CDH13: variants seen among roughly 807,000 people sequenced by gnomAD.
The protein encoded by CDH13 is cadherin 13, also known as cadherin-13.
CDH13 carries 24 observed loss-of-function variants against 63.8 expected under a neutral mutation model. That is an observed-to-expected ratio of 0.38 (90% CI 0.27 to 0.53). The LOEUF is 0.53. Among genes scored for constraint, CDH13 ranks in the 20% least tolerant of loss-of-function variants. The pLI, the probability that CDH13 is intolerant of heterozygous loss-of-function variation, is 0.85. For synonymous variants in CDH13, 503 were observed against 355.3 expected (o/e 1.42, Z -4.67); for missense variants, 1,049 against 903.1 (o/e 1.16, Z -2.07).
chr16:83,649,386 T>A (rs887941318), intron 8 of CDH13, among the ~76,000 whole-genome samples: 5 of 152,204 alleles, frequency 3.3e-5, no homozygotes, highest in Non-Finnish European at 7.3e-5. Context: ...TAATACACTT[T>A]AATCACACAG....
intron 8 of CDH13, among the ~76,000 whole-genome samples, chr16:83,619,523 G>T (rs1389729110): frequency 2.6e-5 from 4 of 152,358 alleles, no homozygotes; most frequent in African/African-American, 9.6e-5. Context: ...CACTGGCAGG[G>T]TTGGTTCCTT....
At chr16:83,426,169 C>T (rs940594274) in intron 6 of CDH13, among the ~76,000 whole-genome samples, 2 of 152,112 alleles carry the variant, frequency 1.3e-5, no homozygotes, top group Non-Finnish European at 1.5e-5. Flanking sequence ...CTCATGCCAT[C>T]TGATTAATCA....
chr16:82,710,599 AATAT>A (rs1227858007), intron 1 of CDH13, among the ~76,000 whole-genome samples: 2 of 141,564 alleles, frequency 1.4e-5, no homozygotes, highest in African/African-American at 2.5e-5. Context: ...ATATTTATAA[AATAT>A]ATAAAGTATA....
At chr16:82,825,545 T>C (rs1830175348) in intron 1 of CDH13, 1 of 135,782 alleles carries the variant, frequency 7.4e-6, no homozygotes, top group Non-Finnish European at 1.7e-5. Context: ...TTAACTTTTT[T>C]TTTTTTTTTT....
chr16:82,968,783 G>T (rs1264632677), intron 2 of CDH13, among the ~76,000 whole-genome samples: 1 of 152,148 alleles, frequency 6.6e-6, no homozygotes. Flanking sequence ...CCCTCAATAG[G>T]CTGTGAGCCT....
At chr16:82,948,081 T>C (rs1246965825) in intron 2 of CDH13, among the ~76,000 whole-genome samples, 1 of 152,220 alleles carries the variant, frequency 6.6e-6, no homozygotes, top group Non-Finnish European at 1.5e-5. Context: ...CATTGAAAGA[T>C]ATTGTCATAC....
intron 4 of CDH13, among the ~76,000 whole-genome samples, chr16:83,215,837 A>G (rs8046313): frequency 0.89 from 135,314 of 152,188 alleles, 60,552 homozygotes; most frequent in Non-Finnish European, 0.94. Flanking sequence ...TGTGTTCATG[A>G]CCTTTCAATT....
intron 6 of CDH13, among the ~76,000 whole-genome samples, chr16:83,358,028 C>A (rs1454782239): frequency 6.6e-6 from 1 of 152,128 alleles, no homozygotes; most frequent in Non-Finnish European, 1.5e-5. Context: ...AGTGAGGAAA[C>A]TGAAACTTCA....
intron 1 of CDH13, among the ~76,000 whole-genome samples, chr16:82,792,399 T>G (rs2036356749): frequency 6.6e-6 from 1 of 152,146 alleles, no homozygotes; most frequent in African/African-American, 2.4e-5. Flanking sequence ...TATATCCCTC[T>G]TAGCATCTGA....
intron 2 of CDH13, among the ~76,000 whole-genome samples, chr16:83,016,771 T>C (rs555301991): frequency 6.6e-6 from 1 of 152,284 alleles, no homozygotes; most frequent in African/African-American, 2.4e-5. Flanking sequence ...GCATTCTAGA[T>C]ATCCACAAGG....
intron 6 of CDH13, among the ~76,000 whole-genome samples, chr16:83,485,178 C>G (rs1001279291): frequency 1.3e-5 from 2 of 152,188 alleles, no homozygotes; most frequent in African/African-American, 4.8e-5. Context: ...TAGGCTGTTT[C>G]CAAATTTTTC....
At chr16:83,439,658 T>TC (rs1243917432) in intron 6 of CDH13, among the ~76,000 whole-genome samples, 1 of 152,202 alleles carries the variant, frequency 6.6e-6, no homozygotes, top group African/African-American at 2.4e-5. Flanking sequence ...CTGTCTGTGT[T>TC]CATGCATAAT....
intron 2 of CDH13, among the ~76,000 whole-genome samples, chr16:82,929,478 C>T (rs942385831): frequency 4.0e-5 from 6 of 151,094 alleles, no homozygotes; most frequent in South Asian, 2.1e-4. Context: ...GGTGAAACCC[C>T]GTCTCTACTA....
At chr16:83,042,423 C>T (rs1043363919) in intron 3 of CDH13, among the ~76,000 whole-genome samples, 13 of 152,180 alleles carry the variant, frequency 8.5e-5, no homozygotes, top group African/African-American at 3.1e-4. Context: ...GCCTGATGAT[C>T]TGTCACTGTC....
intron 8 of CDH13, among the ~76,000 whole-genome samples, chr16:83,657,692 A>C (rs543353238): frequency 6.6e-6 from 1 of 152,206 alleles, no homozygotes; most frequent in Non-Finnish European, 1.5e-5. Flanking sequence ...CCTCCAGGAG[A>C]CTGTGATTTC....
intron 10 of CDH13, among the ~76,000 whole-genome samples, chr16:83,723,266 C>A (rs1909932381): frequency 6.6e-6 from 1 of 152,190 alleles, no homozygotes; most frequent in African/African-American, 2.4e-5. Flanking sequence ...TTTCACCCAC[C>A]CTATGAGTGA....
intron 5 of CDH13, among the ~76,000 whole-genome samples, chr16:83,235,317 G>C (rs1331578765): frequency 6.6e-6 from 1 of 152,172 alleles, no homozygotes; most frequent in African/African-American, 2.4e-5. Flanking sequence ...AGTGCCAATA[G>C]TGTCACTGCG....
intron 7 of CDH13, among the ~76,000 whole-genome samples, chr16:83,534,938 T>G (rs1369373536): frequency 3.9e-5 from 6 of 152,352 alleles, no homozygotes; most frequent in Non-Finnish European, 7.3e-5. Flanking sequence ...TCTAGGACAA[T>G]TTTATAGGAC....
chr16:82,742,694 A>G (rs539474430), intron 1 of CDH13, among the ~76,000 whole-genome samples: 32 of 152,328 alleles, frequency 2.1e-4, no homozygotes, highest in African/African-American at 7.2e-4. Context: ...TAGGAATATG[A>G]TGTATAATTT....
Sources: gnomAD v4.1 joint callset for allele counts (sites outside exome capture counted in the v4.1 genomes callset) on GRCh38, gnomAD v4.1.1 for gene constraint, MANE v1.5 for transcripts, NCBI Gene and HGNC (gene_info 2026-07-23, HGNC 2026-07-21) for gene names.